The following ZNF738 variants were observed in gnomAD, a reference collection of about 807,000 sequenced individuals.
The protein encoded by ZNF738 is zinc finger protein 738.
ZNF738 carries 10 observed loss-of-function variants against 9.2 expected under a neutral mutation model. The ratio of observed to expected loss-of-function variants is 1.09; its 90% CI spans 0.67 to 1.85. The LOEUF is 1.85. Among genes scored for constraint, ZNF738 ranks in the 40% most tolerant of loss-of-function variants. ZNF738 has a pLI of 0.00. For missense variants in ZNF738, 346 were observed against 283.6 expected, an observed-to-expected ratio of 1.22 and a Z score of -1.58; for synonymous variants, 113 against 94.5, an observed-to-expected ratio of 1.20 and a Z score of -1.14.
At position 21,377,444 on chromosome 19, in the gene ZNF738, C is replaced by T. The variant is rs1462292689; in HGVS notation, c.319+1480C>T. The T allele has an allele frequency of 8.5e-6, 6 of 707,940 alleles. No individual in the cohort carries two copies. In the East Asian group the frequency reaches 1.6e-4, roughly 19 times the overall value. 43.9% of individuals were successfully genotyped at this position (707,940 alleles called of 1,614,324 possible). A position where few individuals can be genotyped will look rare whatever the true frequency, so the allele number is the denominator to read the frequency against. On this transcript the variant is annotated intron_variant, in intron 4 of 4. Transcript: ENST00000683779. ...TTATATTGCTGTCTAGGTGTTTCTT[C>T]CAGTCTGTCAATATTTGCTTTATAT...
At chr19:21,382,037 T>A (rs1410471469) in intron 4 of ZNF738, 1 of 171,232 alleles carries the variant, frequency 5.8e-6, no homozygotes, top group Non-Finnish European at 1.3e-5. Flanking sequence ...TATAAAATGT[T>A]GGCAATTTAC....
chr19:21,377,177 C>T (rs181011905), intron 4 of ZNF738, among the ~76,000 whole-genome samples: 211 of 152,022 alleles, frequency 1.4e-3, no homozygotes, highest in Middle Eastern at 3.4e-3. Context: ...TATGGCAGCA[C>T]GTGCCTGTAG....
At position 21,361,359 on chromosome 19, in the gene ZNF738, C is replaced by T. The variant is rs533787303; in HGVS notation, c.4-407C>T. 3.4e-4 allele frequency among the ~76,000 whole-genome samples: 45 copies of T among 131,852 alleles called. 1 individual carries two copies. Among genetic ancestry groups the T allele is most frequent in the East Asian group, 4.8e-4 (2 of 4,148 alleles). 86.5% of individuals were successfully genotyped at this position (131,852 alleles called of 152,430 possible). On this transcript the variant is annotated intron_variant, in intron 1 of 4. Coordinates refer to ENST00000683779, the MANE Select transcript of ZNF738 (RefSeq NM_001355237.2). ...TTCTCTATGTTGGTCAGGCTGGTCT[C>T]GAACTCCCGACCTCAGGTGATCCGC...
chr19:21,367,918 G>A (rs1270841338), intron 2 of ZNF738, among the ~76,000 whole-genome samples: 2 of 152,208 alleles, frequency 1.3e-5, no homozygotes, highest in African/African-American at 2.4e-5. Context: ...TATCCCCACT[G>A]TATCTGCAGC....
intron 2 of ZNF738, among the ~76,000 whole-genome samples, chr19:21,374,377 T>C (rs535108127): frequency 3.9e-5 from 6 of 152,330 alleles, no homozygotes; most frequent in African/African-American, 1.4e-4. Context: ...GATTTTTCTG[T>C]GTGGTTAAAT....
intron 2 of ZNF738, among the ~76,000 whole-genome samples, chr19:21,374,691 C>T (rs1315880697): frequency 6.6e-6 from 1 of 152,036 alleles, no homozygotes; most frequent in Non-Finnish European, 1.5e-5. Context: ...TGTTTACAGG[C>T]CAGAAAAATG....
intron 2 of ZNF738, among the ~76,000 whole-genome samples, chr19:21,370,857 A>G (rs1169303093): frequency 6.6e-6 from 1 of 152,176 alleles, no homozygotes; most frequent in African/African-American, 2.4e-5. Context: ...CCTGGGATTT[A>G]CAAGACAGGG....
chr19:21,386,565 C>G lies in ZNF738; in HGVS notation c.*2891C>G. 2.9e-6 allele frequency: 1 copy of G among 348,380 alleles called. No homozygotes were observed. Among genetic ancestry groups the G allele is most frequent in the Non-Finnish European group, 5.9e-6 (1 of 169,896 alleles). The allele number at this position is 348,380 out of a possible 1,614,324, so 21.6% of individuals were successfully genotyped here. A position where few individuals can be genotyped will look rare whatever the true frequency, so the allele number is the denominator to read the frequency against. On this transcript the variant is annotated 3_prime_UTR_variant, in exon 5 of 5. Transcript: ENST00000683779. ...ACAAACCTTTTTGAACAAAATAATT[C>G]ATACAGGAGAGAAACACTACAAATG... is the stretch of plus-strand genomic sequence containing the variant.
chr19:21,380,600 G>A (rs1235021641), intron 4 of ZNF738, among the ~76,000 whole-genome samples: 2 of 152,118 alleles, frequency 1.3e-5, no homozygotes, highest in African/African-American at 4.8e-5. Flanking sequence ...CAAAAGAAAT[G>A]GATTAAAAAA....
intron 2 of ZNF738, among the ~76,000 whole-genome samples, chr19:21,365,524 A>G (rs8103459): frequency 0.57 from 85,983 of 151,938 alleles, 24,622 homozygotes; most frequent in Middle Eastern, 0.69. Flanking sequence ...GGGCGATGAT[A>G]TTCTTGCTTA....
intron 2 of ZNF738, among the ~76,000 whole-genome samples, chr19:21,365,578 G>A (rs1973765471): frequency 1.3e-5 from 2 of 152,046 alleles, no homozygotes; most frequent in African/African-American, 2.4e-5. Flanking sequence ...GAGCTCAATC[G>A]GAACTCATCA....
chr19:21,361,178 C>G (rs7508092), intron 1 of ZNF738, among the ~76,000 whole-genome samples: 73 of 151,526 alleles, frequency 4.8e-4, no homozygotes, highest in Non-Finnish European at 4.7e-4. Context: ...GCTCTTGTTG[C>G]CCAGGCTGGA....
intron 1 of ZNF738, among the ~76,000 whole-genome samples, chr19:21,361,299 C>A (rs372417895): frequency 6.6e-6 from 1 of 151,468 alleles, no homozygotes; most frequent in Non-Finnish European, 1.5e-5. Flanking sequence ...AGCCACCACG[C>A]CCGGCTAATT....
In ZNF738 at chr19:21,384,169, G is replaced by A; in HGVS notation, c.*495G>A. 7 of 1,442,436 alleles carry A rather than the reference G, an allele frequency of 4.9e-6. No individual in the cohort carries two copies. Among genetic ancestry groups the A allele is most frequent in the Middle Eastern group, 3.5e-4 (2 of 5,694 alleles). The allele number at this position is 1,442,436 out of a possible 1,614,324, so 89.4% of individuals were successfully genotyped here. ...CATACTGTAGAGAAACGCTACAAATGTGAGGAATGTGGCAAAGCTTTTAAC... is the reference window on the plus strand; with the variant it reads ...CATACTGTAGAGAAACGCTACAAATATGAGGAATGTGGCAAAGCTTTTAAC... On this transcript the variant is annotated 3_prime_UTR_variant, in exon 5 of 5. Coordinates refer to ENST00000683779, the MANE Select transcript of ZNF738 (RefSeq NM_001355237.2).
chr19:21,362,464 T>C (rs1352046218), intron 2 of ZNF738, among the ~76,000 whole-genome samples: 1 of 152,138 alleles, frequency 6.6e-6, no homozygotes, highest in Non-Finnish European at 1.5e-5. Context: ...GGGTGGTTCT[T>C]GAGCACATAA....
chr19:21,377,334 CT>C, intron 4 of ZNF738: 1 of 622,456 alleles, frequency 1.6e-6, no homozygotes, highest in South Asian at 1.8e-5. Flanking sequence ...ATTATACTGC[CT>C]TCAGTTCCTC....
At chr19:21,370,679 T>C (rs1175008544) in intron 2 of ZNF738, among the ~76,000 whole-genome samples, 4 of 152,228 alleles carry the variant, frequency 2.6e-5, no homozygotes, top group Admixed American at 2.6e-4. Context: ...CTACTTATAT[T>C]CATGTTGCCT....
intron 1 of ZNF738, among the ~76,000 whole-genome samples, chr19:21,360,872 A>G (rs1180506415): frequency 6.6e-6 from 1 of 151,336 alleles, no homozygotes; most frequent in Non-Finnish European, 1.5e-5. Flanking sequence ...TCTTGTTGCA[A>G]AGGCACATTC....
At chr19:21,382,596 G>A (rs2968041) in intron 4 of ZNF738, among the ~76,000 whole-genome samples, 141,515 of 152,126 alleles carry the variant, frequency 0.93, 66,134 homozygotes, top group Middle Eastern at 0.99. Flanking sequence ...TGTTGGGTAA[G>A]TGTAACAAAC....
Sources: gnomAD v4.1 joint callset for allele counts (sites outside exome capture counted in the v4.1 genomes callset) on GRCh38, gnomAD v4.1.1 for gene constraint, MANE v1.5 for transcripts, NCBI Gene and HGNC (gene_info 2026-07-23, HGNC 2026-07-21) for gene names.